Variants in GPN1 observed in about 807,000 individuals in gnomAD.
GPN1 encodes GPN-loop GTPase 1.
GPN1 carries 44 observed loss-of-function variants against 55.9 expected under a neutral mutation model. The observed-to-expected ratio is 0.79, with a 90% CI of 0.62 to 1.01. The LOEUF (loss-of-function observed/expected upper bound fraction) is 1.01. Among genes scored for constraint, GPN1 ranks in the 50% least tolerant of loss-of-function variants. The probability of loss-of-function intolerance (pLI) is 0.00; values close to 1 mark genes in which losing one functional copy is unlikely to be tolerated. For synonymous variants in GPN1, 179 were observed against 162.5 expected (o/e 1.10, Z -0.77); for missense variants, 466 against 462.8 (o/e 1.01, Z -0.06).
chr2:27,635,049 G>A, intron 6 of GPN1, 91 bp from the exon 7 acceptor site: 1 of 974,400 alleles, frequency 1.0e-6, no homozygotes. Flanking sequence ...CCTGCCTAAA[G>A]TGGTTTTCCC....
chr2:27,629,088 C>A lies in GPN1; in HGVS notation c.30C>A (p.Leu10=). 6.2e-7 allele frequency: 1 copy of A among 1,614,202 alleles called. No homozygotes were observed. Among genetic ancestry groups the A allele is most frequent in the South Asian group, 1.1e-5 (1 of 91,088 alleles). MAASAAAAE[L]QASGGPRHPV... is the part of the protein sequence containing the mutation. Reference sequence around the variant, plus strand: ...CGGCGTCCGCAGCTGCCGCTGAGCTCCAGGCTTCTGGGGGTCCGCGGCACC... The same window carrying A: ...CGGCGTCCGCAGCTGCCGCTGAGCTACAGGCTTCTGGGGGTCCGCGGCACC... The change falls in exon 1 of 14, where the codon CTC becomes CTA. Residue 10 remains leucine (L), a synonymous_variant. Transcript: ENST00000610189.
chr2:27,640,771 C>T (rs1673912739), intron 10 of GPN1, among the ~76,000 whole-genome samples: 1 of 152,188 alleles, frequency 6.6e-6, no homozygotes, highest in South Asian at 2.1e-4. Context: ...AAGATCCTAA[C>T]AACCATATTT....
chr2:27,639,602 C>G (rs1673860041), intron 9 of GPN1, among the ~76,000 whole-genome samples: 1 of 152,058 alleles, frequency 6.6e-6, no homozygotes, highest in Non-Finnish European at 1.5e-5. Flanking sequence ...TCACTGCAGC[C>G]TTGACCTCGT....
chr2:27,649,266 A>G (rs1558494097), intron 13 of GPN1, among the ~76,000 whole-genome samples: 1 of 151,338 alleles, frequency 6.6e-6, no homozygotes, highest in African/African-American at 2.4e-5. Context: ...CAAACAAACA[A>G]ACAAAAAAAC....
chr2:27,634,128 T>C (rs539621899), intron 5 of GPN1, among the ~76,000 whole-genome samples: 13 of 152,298 alleles, frequency 8.5e-5, no homozygotes, highest in African/African-American at 3.1e-4. Flanking sequence ...ATTGTGGTTT[T>C]TACTTTTATT....
intron 12 of GPN1, 60 bp downstream of exon 12, chr2:27,642,579 T>A (rs1674001546): frequency 9.7e-7 from 1 of 1,031,000 alleles, no homozygotes; most frequent in Non-Finnish European, 1.5e-6. Flanking sequence ...TTCTTTTATT[T>A]ATTTATTTAT....
chr2:27,635,297 CCT>C, intron 7 of GPN1, 63 bp downstream of exon 7: 1 of 465,004 alleles, frequency 2.2e-6, no homozygotes, highest in South Asian at 3.1e-5. Context: ...TCTTCTTCTT[CCT>C]CTTTTTTTTT....
intron 9 of GPN1, among the ~76,000 whole-genome samples, 178 bp from the exon 10 acceptor site, chr2:27,639,865 T>G (rs1195697277): frequency 6.6e-6 from 1 of 152,204 alleles, no homozygotes; most frequent in Non-Finnish European, 1.5e-5. Flanking sequence ...ATGGACTTAT[T>G]TCTGTGACTT....
At chr2:27,628,928 T>G, upstream of GPN1, 1 of 1,502,076 alleles carries the variant, frequency 6.7e-7, no homozygotes, top group Non-Finnish European at 8.9e-7. Flanking sequence ...GAAGATGCCC[T>G]GGCAACCGCC....
chr2:27,645,022 C>T (rs1674156447), intron 12 of GPN1, among the ~76,000 whole-genome samples: 1 of 152,076 alleles, frequency 6.6e-6, no homozygotes, highest in Non-Finnish European at 1.5e-5. Flanking sequence ...GGCTGGAGTG[C>T]AGTGGCGCAA....
chr2:27,650,053 C>T lies in GPN1; in HGVS notation c.1040-62C>T, dbSNP rs138379241. ...GTACTGTTTTCTGATGGATGGGTGA[C>T]GGGCTCTAATCAGTTTGTCTAATGA... On this transcript the variant is annotated intron_variant, in intron 13 of 13. Transcript: ENST00000610189. 1.9e-4 allele frequency: 171 copies of T among 887,238 alleles called. 1 individual carries two copies. In the East Asian group the frequency reaches 2.5e-3, roughly 13 times the overall value. The allele number at this position is 887,238 out of a possible 1,614,324, so 55.0% of individuals were successfully genotyped here. A position where few individuals can be genotyped will look rare whatever the true frequency, so the allele number is the denominator to read the frequency against.
intron 11 of GPN1, 103 bp from the exon 12 acceptor site, chr2:27,642,326 G>A (rs1272249516): frequency 2.7e-5 from 19 of 714,362 alleles, no homozygotes; most frequent in African/African-American, 3.6e-5. Context: ...CAGTTTTTAT[G>A]TAGCCTCTAG....
In GPN1 at chr2:27,629,126, T is replaced by G; in HGVS notation, c.68T>G (p.Leu23Trp). ...GGTCCGCGGCACCCAGTGTGTCTGT[T>G]GGTGTTGGGAATGGCGGGATCCGGG... is the stretch of plus-strand genomic sequence containing the variant. ...SGGPRHPVCL[L>W]VLGMAGSGKT... Residue 23 changes from leucine to tryptophan, a missense_variant, in exon 1 of 14, where the codon TTG becomes TGG. Coordinates refer to ENST00000610189, the MANE Select transcript of GPN1 (RefSeq NM_007266.4). 2 of 1,614,166 alleles carry G rather than the reference T, an allele frequency of 1.2e-6. No individual in the cohort carries two copies. The highest frequency in any genetic ancestry group is 1.7e-6 in the Non-Finnish European group (2 of 1,180,018).
intron 12 of GPN1, among the ~76,000 whole-genome samples, chr2:27,644,706 G>GT (rs35012162): frequency 0.18 from 22,474 of 123,756 alleles, 2,290 homozygotes; most frequent in East Asian, 0.34. Context: ...GCCTTAGTGA[G>GT]TTTTTTTTTT....
Position 27,646,501 on chromosome 2 carries a change from A to T in GPN1, c.932-1335A>T, listed in dbSNP as rs559722715. ...ATCCTGCTACTTTACTGAATTAAAA[A>T]TTTTTTTTTAGTTTTATCATTGGCT... On this transcript the variant is annotated intron_variant, in intron 12 of 13. Coordinates refer to ENST00000610189, the MANE Select transcript of GPN1 (RefSeq NM_007266.4). 2.9e-4 allele frequency among the ~76,000 whole-genome samples: 44 copies of T among 151,964 alleles called. No individual in the cohort carries two copies. In the South Asian group the frequency reaches 3.5e-3, roughly 12 times the overall value.
At chr2:27,648,043 T>A in intron 13 of GPN1, 100 bp downstream of exon 13, 1 of 699,400 alleles carries the variant, frequency 1.4e-6, no homozygotes. Context: ...CCAGTAATAG[T>A]GGATAAAGGA....
rs370789999 is a variant in GPN1 at position 27,641,202 on chromosome 2, A to T, written c.801-38A>T. ...ATGTGGAGAGTCAGTAGGATAGAGG[A>T]TTAAGCAAAGGAATTTAGAAAGTGT... is the stretch of plus-strand genomic sequence containing the variant. On this transcript the variant is annotated intron_variant, in intron 10 of 13. Coordinates refer to ENST00000610189, the MANE Select transcript of GPN1 (RefSeq NM_007266.4). 34 of 1,483,638 alleles carry T rather than the reference A, an allele frequency of 2.3e-5. No homozygotes were observed. In the African/African-American group the frequency reaches 4.1e-4, roughly 18 times the overall value. 91.9% of individuals were successfully genotyped at this position (1,483,638 alleles called of 1,614,324 possible).
At position 27,650,517 on chromosome 2, in the gene GPN1, G is replaced by T; in HGVS notation, c.*317G>T. Reference sequence around the variant, plus strand: ...GAACTCAAGTACTTTTGCTGCTGAGGAATGGAATCAAAAGAACGTAGTCTC... The same window carrying T: ...GAACTCAAGTACTTTTGCTGCTGAGTAATGGAATCAAAAGAACGTAGTCTC... On this transcript the variant is annotated 3_prime_UTR_variant, in exon 14 of 14. Coordinates refer to ENST00000610189, the MANE Select transcript of GPN1 (RefSeq NM_007266.4). 5.7e-6 allele frequency: 1 copy of T among 174,540 alleles called. No individual in the cohort carries two copies. 10.8% of individuals were successfully genotyped at this position (174,540 alleles called of 1,614,324 possible). A position where few individuals can be genotyped will look rare whatever the true frequency, so the allele number is the denominator to read the frequency against.
upstream of GPN1, chr2:27,628,862 G>C: frequency 6.8e-7 from 1 of 1,464,516 alleles, no homozygotes. Flanking sequence ...CTTGCTCAGC[G>C]CCCCCACTTC....
Sources: gnomAD v4.1 joint callset for allele counts (sites outside exome capture counted in the v4.1 genomes callset) on GRCh38, gnomAD v4.1.1 for gene constraint, MANE v1.5 for transcripts, NCBI Gene and HGNC (gene_info 2026-07-23, HGNC 2026-07-21) for gene names.